SMOC2: variants seen among roughly 807,000 people sequenced by gnomAD.
SMOC2 encodes SPARC-related modular calcium-binding protein 2.
A neutral mutation model predicts 61.4 loss-of-function variants in SMOC2; 39 were observed. That is an observed-to-expected ratio of 0.64 (90% CI 0.49 to 0.83). SMOC2 has a LOEUF of 0.83. Among genes scored for constraint, SMOC2 ranks in the 40% least tolerant of loss-of-function variants. The probability of loss-of-function intolerance (pLI) is 0.00; values close to 1 mark genes in which losing one functional copy is unlikely to be tolerated. For synonymous variants in SMOC2, 247 were observed against 239.9 expected, an observed-to-expected ratio of 1.03 and a Z score of -0.27; for missense variants, 556 against 592.9, an observed-to-expected ratio of 0.94 and a Z score of 0.65.
intron 1 of SMOC2, among the ~76,000 whole-genome samples, chr6:168,461,095 G>A (rs1413666504): frequency 6.6e-6 from 1 of 152,174 alleles, no homozygotes; most frequent in Non-Finnish European, 1.5e-5. Context: ...AAGTTTAATG[G>A]GCTTACAGTT....
At chr6:168,519,969 A>T (rs1221353056) in intron 2 of SMOC2, among the ~76,000 whole-genome samples, 1 of 151,198 alleles carries the variant, frequency 6.6e-6, no homozygotes, top group Non-Finnish European at 1.5e-5. Context: ...GCCTTTATGC[A>T]TTTAAAAAGA....
intron 9 of SMOC2, among the ~76,000 whole-genome samples, chr6:168,617,971 A>G (rs984715787): frequency 2.6e-5 from 4 of 152,254 alleles, no homozygotes; most frequent in Non-Finnish European, 5.9e-5. Flanking sequence ...GCATGCTGAC[A>G]TGGATTGCCA....
intron 9 of SMOC2, among the ~76,000 whole-genome samples, chr6:168,609,890 C>T (rs1376452178): frequency 1.3e-5 from 2 of 152,192 alleles, no homozygotes; most frequent in Admixed American, 6.5e-5. Flanking sequence ...ACAGGTGATA[C>T]GAGTGCAATT....
At chr6:168,598,330 G>A (rs1785382013) in intron 7 of SMOC2, among the ~76,000 whole-genome samples, 1 of 152,204 alleles carries the variant, frequency 6.6e-6, no homozygotes, top group African/African-American at 2.4e-5. Flanking sequence ...TGAGAATGAG[G>A]AGAGAGGGGT....
intron 6 of SMOC2, 74 bp downstream of exon 6, chr6:168,547,243 G>A: frequency 7.4e-7 from 1 of 1,349,100 alleles, no homozygotes; most frequent in Non-Finnish European, 1.1e-6. Context: ...GGGAAGTGGA[G>A]CGAGTCATCT....
intron 11 of SMOC2, among the ~76,000 whole-genome samples, chr6:168,659,519 AGG>A (rs1218087226): frequency 0.015 from 38 of 2,462 alleles, no homozygotes; most frequent in East Asian, 0.048. Context: ...TGGAGGTTGT[AGG>A]TTGGGTGAGG....
At chr6:168,522,293 G>A (rs902351388) in intron 2 of SMOC2, among the ~76,000 whole-genome samples, 3 of 152,216 alleles carry the variant, frequency 2.0e-5, no homozygotes, top group Middle Eastern at 3.4e-3. Flanking sequence ...CACTCCCTCC[G>A]TAAGTTACAT....
chr6:168,559,299 T>C (rs1299095812), intron 7 of SMOC2, among the ~76,000 whole-genome samples: 1 of 151,616 alleles, frequency 6.6e-6, no homozygotes, highest in Non-Finnish European at 1.5e-5. Context: ...CTACTAAAAA[T>C]ACAAAATTAG....
intron 11 of SMOC2, chr6:168,655,582 T>C: frequency 2.8e-6 from 1 of 363,564 alleles, no homozygotes; most frequent in South Asian, 2.0e-5. Context: ...GTGTACTAGA[T>C]ACCCGGCACA....
chr6:168,658,942 G>C (rs1787398453), intron 11 of SMOC2, among the ~76,000 whole-genome samples: 1 of 142,314 alleles, frequency 7.0e-6, no homozygotes, highest in Admixed American at 7.1e-5. Flanking sequence ...TGTATGTGTG[G>C]TGTGTGTGGT....
intron 4 of SMOC2, among the ~76,000 whole-genome samples, chr6:168,529,897 G>A (rs921404982): frequency 1.1e-4 from 17 of 152,308 alleles, no homozygotes; most frequent in African/African-American, 4.1e-4. Flanking sequence ...AGGCGCCAGG[G>A]AGCTGGACCT....
intron 7 of SMOC2, among the ~76,000 whole-genome samples, chr6:168,559,773 A>G (rs866141047): frequency 2.0e-5 from 3 of 152,182 alleles, no homozygotes; most frequent in Non-Finnish European, 4.4e-5. Context: ...TCGGGTGACT[A>G]GTAAAGAATT....
rs1029956912 is a variant in SMOC2 at position 168,667,447 on chromosome 6, C to T, written c.*1009C>T. The T allele has an allele frequency of 6.6e-6, 1 of 152,146 alleles. No homozygotes were observed. Among genetic ancestry groups the T allele is most frequent in the African/African-American group, 2.4e-5 (1 of 41,422 alleles). 9.4% of individuals were successfully genotyped at this position (152,146 alleles called of 1,614,324 possible). On this transcript the variant is annotated 3_prime_UTR_variant, in exon 13 of 13. Transcript: ENST00000356284. ...CAGCCGGGGGGAGGTGCCTGAGGGT[C>T]CCCACGGTTCCTTTCTGCTTTTCTG...
intron 9 of SMOC2, among the ~76,000 whole-genome samples, chr6:168,636,525 T>A (rs1366322914): frequency 6.6e-6 from 1 of 152,216 alleles, no homozygotes; most frequent in Non-Finnish European, 1.5e-5. Flanking sequence ...GCTTCTATAT[T>A]TAAACATGTA....
intron 1 of SMOC2, among the ~76,000 whole-genome samples, chr6:168,482,860 T>A (rs1205535655): frequency 2.0e-5 from 3 of 152,022 alleles, no homozygotes; most frequent in Admixed American, 6.6e-5. Flanking sequence ...CTTCCATGAC[T>A]AAAAACTCTC....
At chr6:168,494,120 G>A (rs1782533812) in intron 1 of SMOC2, among the ~76,000 whole-genome samples, 1 of 152,128 alleles carries the variant, frequency 6.6e-6, no homozygotes, top group Admixed American at 6.5e-5. Flanking sequence ...CTGAATCTTG[G>A]CAAGTGTATT....
intron 1 of SMOC2, among the ~76,000 whole-genome samples, chr6:168,467,136 A>AACACAC (rs10536582): frequency 0.069 from 9,228 of 133,326 alleles, 402 homozygotes; most frequent in Middle Eastern, 0.091. Flanking sequence ...AGTGCTCTCA[A>AACACAC]ACACACACAC....
chr6:168,623,913 AAGGG>A (rs763406864), intron 9 of SMOC2, among the ~76,000 whole-genome samples: 11 of 152,010 alleles, frequency 7.2e-5, no homozygotes, highest in Non-Finnish European at 1.3e-4. Context: ...ATGGCAGAGG[AAGGG>A]AGGAGGGAGA....
Position 168,535,172 on chromosome 6 carries a change from G to A in SMOC2, c.463+7445G>A, listed in dbSNP as rs955816905. Among the ~76,000 whole-genome samples the A allele has an allele frequency of 2.6e-5, 4 of 152,034 alleles. No individual in the cohort carries two copies. The highest frequency in any genetic ancestry group is 2.1e-4 in the South Asian group (1 of 4,804). ...TTTTTAGTAGAAACGGGGTTTCACC[G>A]TGTTAGCCTGGATGGTCTCAATCTC... On this transcript the variant is annotated intron_variant, in intron 4 of 12. Coordinates refer to ENST00000356284, the MANE Select transcript of SMOC2 (RefSeq NM_001166412.2). The surrounding 1 kb of genome is among the most constrained non-coding windows in gnomAD (Gnocchi z 4.6).
Sources: gnomAD v4.1 joint callset for allele counts (sites outside exome capture counted in the v4.1 genomes callset) on GRCh38, gnomAD v4.1.1 for gene constraint, Gnocchi (gnomAD v3.1) non-coding constraint, MANE v1.5 for transcripts, NCBI Gene and HGNC (gene_info 2026-07-23, HGNC 2026-07-21) for gene names.